Variants in PDCD10 observed in about 807,000 individuals in gnomAD.
The protein encoded by PDCD10 is programmed cell death 10.
Under a neutral mutation model 29.2 loss-of-function variants are expected in PDCD10, and 4 were observed. The observed-to-expected ratio is 0.14, with a 90% CI of 0.07 to 0.31. PDCD10 has a LOEUF of 0.31. Ranked by LOEUF, PDCD10 falls within the 10% of genes least tolerant of loss-of-function variation. The pLI is 1.00. For synonymous variants in PDCD10, 70 were observed against 82.2 expected (o/e 0.85, Z 0.80); for missense variants, 183 against 257.9 (o/e 0.71, Z 1.99).
In PDCD10 at chr3:167,707,342, G is replaced by A. The variant is rs150017326; in HGVS notation, c.97-2447C>T. Among the ~76,000 whole-genome samples the A allele has an allele frequency of 2.2e-3, 329 of 152,176 alleles. 2 individuals carry two copies. Among genetic ancestry groups the A allele is most frequent in the African/African-American group, 7.4e-3 (307 of 41,508 alleles). On this transcript the variant is annotated intron_variant, in intron 3 of 8. Transcript: ENST00000392750. ...GTCTCTTTAGAGTCCAGCACTTTCC[G>A]AGCTTTAGGGATAACGTCTTTGGCT...
At chr3:167,725,189 G>A (rs901007694) in intron 2 of PDCD10, among the ~76,000 whole-genome samples, 5 of 151,316 alleles carry the variant, frequency 3.3e-5, no homozygotes, top group South Asian at 2.1e-4. Context: ...CCTGGAAGGC[G>A]GAAGTTGCAG....
intron 6 of PDCD10, among the ~76,000 whole-genome samples, chr3:167,688,257 C>T (rs1719846512): frequency 6.6e-6 from 1 of 152,152 alleles, no homozygotes. Context: ...TATTCTTCCT[C>T]CCTTACTCTT....
intron 8 of PDCD10, 37 bp from the exon 9 acceptor site, chr3:167,684,426 CA>C (rs754866182): frequency 8.3e-6 from 10 of 1,211,486 alleles, no homozygotes; most frequent in Non-Finnish European, 1.2e-5. Flanking sequence ...TAATTTCATC[CA>C]AAAAATTCAC....
intron 1 of PDCD10, 60 bp downstream of exon 1, chr3:167,734,602 G>A (rs1376117252): frequency 1.3e-5 from 2 of 152,404 alleles, no homozygotes; most frequent in East Asian, 3.9e-4. Context: ...TCGGGCCCAA[G>A]CCGGCAGGCG....
chr3:167,731,426 A>T (rs1189952330), intron 2 of PDCD10, among the ~76,000 whole-genome samples: 1 of 152,204 alleles, frequency 6.6e-6, no homozygotes, highest in Non-Finnish European at 1.5e-5. Flanking sequence ...ATTTTTCCAC[A>T]ATTTATATTA....
chr3:167,716,491 G>C (rs1723031882), intron 3 of PDCD10, among the ~76,000 whole-genome samples: 1 of 151,846 alleles, frequency 6.6e-6, no homozygotes, highest in Non-Finnish European at 1.5e-5. Flanking sequence ...ATTACGCATT[G>C]CATGCCTGTT....
rs1199136809 is a variant in PDCD10 at position 167,734,860 on chromosome 3, G to C, written c.-452C>G. The C allele has an allele frequency of 6.5e-6, 1 of 153,470 alleles. No homozygotes were observed. The highest frequency in any genetic ancestry group is 1.5e-5 in the Non-Finnish European group (1 of 68,766). The allele number at this position is 153,470 out of a possible 1,614,324, so 9.5% of individuals were successfully genotyped here. On this transcript the variant is annotated 5_prime_UTR_variant, in exon 1 of 9. In the 5' UTR this introduces an upstream ATG that the reference lacks. Coordinates refer to ENST00000392750, the MANE Select transcript of PDCD10 (RefSeq NM_007217.4). ...ACCTTGCAGCCCTCTTCAACTCCCG[G>C]ATCAATTCACTCCGGCGACGCCGGA...
chr3:167,731,212 CAA>C (rs1724770978), intron 2 of PDCD10, among the ~76,000 whole-genome samples: 1 of 152,052 alleles, frequency 6.6e-6, no homozygotes, highest in African/African-American at 2.4e-5. Flanking sequence ...CAAAACGAGA[CAA>C]CATTAGGGAA....
Position 167,687,304 on chromosome 3 carries a change from G to T in PDCD10, c.487C>A (p.Gln163Lys). 1 of 1,578,234 alleles carries T rather than the reference G, an allele frequency of 6.3e-7. No homozygotes were observed. The highest frequency in any genetic ancestry group is 8.7e-7 in the Non-Finnish European group (1 of 1,148,208). Residue 163 changes from glutamine to lysine, a missense_variant, in exon 8 of 9, where the codon CAA becomes AAA. Gln to Lys is a moderately conservative substitution (Grantham distance 53, BLOSUM62 1). Transcript: ENST00000392750. The part of the protein sequence containing the change: ...QYQNRRALEH[Q>K]KKEFVKYSKS... ...GAGTACTTTACAAATTCTTTCTTTT[G>T]GTGTTCAAGTGCCTACAGTCACAAA...
intron 1 of PDCD10, 81 bp downstream of exon 1, chr3:167,734,580 TC>T (rs534349466): frequency 5.9e-5 from 9 of 152,462 alleles, no homozygotes; most frequent in Non-Finnish European, 1.2e-4. Flanking sequence ...AGAGGAGACT[TC>T]CTGGAGGCGT....
intron 4 of PDCD10, among the ~76,000 whole-genome samples, chr3:167,701,707 C>T (rs1721458109): frequency 6.6e-6 from 1 of 152,130 alleles, no homozygotes; most frequent in Non-Finnish European, 1.5e-5. Context: ...TGGCTGTCAA[C>T]AATCCTTGGT....
intron 5 of PDCD10, among the ~76,000 whole-genome samples, chr3:167,695,981 TAAA>T (rs11332538): frequency 1.4e-3 from 194 of 138,418 alleles, no homozygotes; most frequent in African/African-American, 2.5e-3. Context: ...CATGAAATCT[TAAA>T]AAAAAAAAAC....
intron 2 of PDCD10, among the ~76,000 whole-genome samples, chr3:167,721,774 C>T (rs751800101): frequency 5.9e-5 from 9 of 152,054 alleles, no homozygotes; most frequent in Non-Finnish European, 7.4e-5. Context: ...GAGCAAAAGG[C>T]GAATTCCTGA....
chr3:167,693,449 T>C (rs1048518560), intron 6 of PDCD10, among the ~76,000 whole-genome samples: 1 of 152,210 alleles, frequency 6.6e-6, no homozygotes, highest in Non-Finnish European at 1.5e-5. Context: ...AGCTGTCACA[T>C]ACGTCCCACC....
At chr3:167,719,616 CCTG>C (rs1723368851) in intron 3 of PDCD10, among the ~76,000 whole-genome samples, 1 of 152,010 alleles carries the variant, frequency 6.6e-6, no homozygotes, top group Non-Finnish European at 1.5e-5. Flanking sequence ...GATCTTTGTG[CCTG>C]CTATTCTGGC....
At chr3:167,701,738 C>A (rs941921865) in intron 4 of PDCD10, among the ~76,000 whole-genome samples, 2 of 152,136 alleles carry the variant, frequency 1.3e-5, no homozygotes, top group African/African-American at 4.8e-5. Flanking sequence ...CCATGAAAGT[C>A]TGGAAGAATT....
chr3:167,701,728 C>T (rs551088562), intron 4 of PDCD10, among the ~76,000 whole-genome samples: 72 of 152,216 alleles, frequency 4.7e-4, no homozygotes, highest in African/African-American at 1.7e-3. Context: ...AGAAAGAATA[C>T]CATGAAAGTC....
At chr3:167,685,172 G>C (rs982434937) in intron 8 of PDCD10, among the ~76,000 whole-genome samples, 2 of 152,072 alleles carry the variant, frequency 1.3e-5, no homozygotes, top group Non-Finnish European at 2.9e-5. Flanking sequence ...AGCACTTTGG[G>C]AGGCCAAGGT....
chr3:167,726,185 C>A (rs555118952), intron 2 of PDCD10, among the ~76,000 whole-genome samples: 1 of 141,364 alleles, frequency 7.1e-6, no homozygotes, highest in East Asian at 2.2e-4. Context: ...CAGTGGCGTA[C>A]CTCCACCCAG....
Sources: allele counts gnomAD v4.1 joint callset (sites outside exome capture counted in the v4.1 genomes callset), GRCh38; gene constraint gnomAD v4.1.1; transcripts MANE v1.5; gene names NCBI Gene and HGNC (gene_info 2026-07-23, HGNC 2026-07-21).